The following MAF variants were observed in gnomAD, a reference collection of about 807,000 sequenced individuals.
MAF encodes MAF bZIP transcription factor, also known as transcription factor Maf.
MAF carries 10 observed loss-of-function variants against 22.0 expected under a neutral mutation model. The ratio of observed to expected loss-of-function variants is 0.45; its 90% confidence interval spans 0.28 to 0.77. The LOEUF is 0.77. Among genes scored for constraint, MAF ranks in the 30% least tolerant of loss-of-function variants. The probability of loss-of-function intolerance (pLI) is 0.12; values close to 1 mark genes in which losing one functional copy is unlikely to be tolerated. For missense variants in MAF, 544 were observed against 548.4 expected (o/e 0.99, Z 0.08); for synonymous variants, 337 against 255.8 (o/e 1.32, Z -3.03).
At chr16:79,399,543 C>T in the MAF span, among the ~76,000 whole-genome samples, 2 of 152,176 alleles carry the variant, frequency 1.3e-5, no homozygotes, top group African/African-American at 4.8e-5. Flanking sequence ...ACACCAATTC[C>T]TTGGGTTGTT....
chr16:79,477,253 T>C, the MAF span, among the ~76,000 whole-genome samples: 1 of 152,224 alleles, frequency 6.6e-6, no homozygotes, highest in Non-Finnish European at 1.5e-5. Context: ...TCTGTCATGC[T>C]TTGTGGCCAA....
the MAF span, chr16:79,203,248 T>G: frequency 6.6e-6 from 1 of 152,190 alleles, no homozygotes; most frequent in Non-Finnish European, 1.5e-5. Context: ...CTCTCCACAG[T>G]ATGTTCTAAA....
the MAF span, among the ~76,000 whole-genome samples, chr16:79,376,429 AC>A: frequency 6.6e-6 from 1 of 151,870 alleles, no homozygotes; most frequent in African/African-American, 2.4e-5. Context: ...CAGGGATTCC[AC>A]CCCTAGATAT....
chr16:79,268,491 C>A, the MAF span, among the ~76,000 whole-genome samples: 7 of 152,264 alleles, frequency 4.6e-5, no homozygotes, highest in African/African-American at 1.2e-4. Flanking sequence ...AAGTGCAAGG[C>A]TGGAACGTAA....
the MAF span, among the ~76,000 whole-genome samples, chr16:79,471,774 T>A: frequency 6.6e-6 from 1 of 152,236 alleles, no homozygotes; most frequent in Non-Finnish European, 1.5e-5. Context: ...AGTGGTCATG[T>A]CAGGAATGTC....
the MAF span, among the ~76,000 whole-genome samples, chr16:79,303,111 G>C: frequency 1.3e-5 from 2 of 152,220 alleles, no homozygotes; most frequent in African/African-American, 2.4e-5. Flanking sequence ...GAATGTGTGT[G>C]TGTTGGGAGA....
chr16:79,575,163 A>G, the MAF span, among the ~76,000 whole-genome samples: 41 of 152,030 alleles, frequency 2.7e-4, no homozygotes, highest in African/African-American at 8.2e-4. Flanking sequence ...TTATGCCCCA[A>G]TCCTACTCAC....
At chr16:79,260,808 G>A in the MAF span, among the ~76,000 whole-genome samples, 1 of 151,868 alleles carries the variant, frequency 6.6e-6, no homozygotes, top group African/African-American at 2.4e-5. Context: ...CTTCATAGAT[G>A]TTATTGCTTA....
chr16:79,587,677 A>C (rs983157982), intron 1 of MAF, among the ~76,000 whole-genome samples: 1 of 152,146 alleles, frequency 6.6e-6, no homozygotes, highest in African/African-American at 2.4e-5. Flanking sequence ...CTTCCTGACC[A>C]TATCATTGAT....
the MAF span, among the ~76,000 whole-genome samples, chr16:79,394,874 T>C: frequency 6.6e-6 from 1 of 152,258 alleles, no homozygotes; most frequent in Admixed American, 6.5e-5. Context: ...ATTATAAGTG[T>C]ACCAGAACAT....
the MAF span, among the ~76,000 whole-genome samples, chr16:79,345,726 CAAAAAAAAAA>C: frequency 2.9e-5 from 2 of 68,358 alleles, no homozygotes; most frequent in East Asian, 5.2e-4. Context: ...GACTCCGTCT[CAAAAAAAAAA>C]AAAAAAAAAA....
chr16:79,210,978 G>A, the MAF span, among the ~76,000 whole-genome samples: 2 of 151,900 alleles, frequency 1.3e-5, no homozygotes, highest in Non-Finnish European at 2.9e-5. Context: ...GTTTTCATGG[G>A]ATCTGGATGA....
At chr16:79,467,235 C>G in the MAF span, among the ~76,000 whole-genome samples, 1 of 152,136 alleles carries the variant, frequency 6.6e-6, no homozygotes, top group Non-Finnish European at 1.5e-5. Flanking sequence ...AGGGGGTCCT[C>G]TCTGACCTCC....
chr16:79,394,344 C>A, the MAF span, among the ~76,000 whole-genome samples: 15 of 152,290 alleles, frequency 9.8e-5, 1 homozygote, highest in African/African-American at 3.6e-4. Context: ...CTTTCAGACC[C>A]TGTTTACAAG....
At chr16:79,340,693 C>T in the MAF span, among the ~76,000 whole-genome samples, 1 of 151,884 alleles carries the variant, frequency 6.6e-6, no homozygotes, top group South Asian at 2.1e-4. Flanking sequence ...GTATCTTGCT[C>T]ATTGTAGGGT....
the MAF span, among the ~76,000 whole-genome samples, chr16:79,358,700 G>A: frequency 2.6e-5 from 4 of 152,226 alleles, no homozygotes; most frequent in South Asian, 4.1e-4. Context: ...AGTGCCGGCT[G>A]CTGAGATGAT....
chr16:79,278,261 A>G, the MAF span, among the ~76,000 whole-genome samples: 1 of 152,366 alleles, frequency 6.6e-6, no homozygotes, highest in East Asian at 1.9e-4. Flanking sequence ...TCAAGGGGAA[A>G]GTGAATCTTT....
chr16:79,212,807 T>C, the MAF span: 2 of 152,224 alleles, frequency 1.3e-5, no homozygotes, highest in South Asian at 2.1e-4. Flanking sequence ...ACACGATTCT[T>C]GTTTCTTCTC....
chr16:79,365,255 G>T, the MAF span, among the ~76,000 whole-genome samples: 2 of 152,096 alleles, frequency 1.3e-5, no homozygotes, highest in African/African-American at 4.8e-5. Flanking sequence ...CCCCACGATA[G>T]GTAGGCCCTG....
Sources: allele counts gnomAD v4.1 joint callset (sites outside exome capture counted in the v4.1 genomes callset), GRCh38; gene constraint gnomAD v4.1.1; transcripts MANE v1.5; gene names NCBI Gene and HGNC (gene_info 2026-07-23, HGNC 2026-07-21).